TMEM181: variants seen among roughly 807,000 people sequenced by gnomAD.
The protein encoded by TMEM181 is transmembrane protein 181, also known as G protein-coupled receptor 178.
A neutral mutation model predicts 71.9 loss-of-function variants in TMEM181; 39 were observed. The observed-to-expected ratio is 0.54, with a 90% CI of 0.42 to 0.71. The LOEUF is 0.71. TMEM181 is among the 30% of genes least tolerant of loss of function. The pLI, the probability that TMEM181 is intolerant of heterozygous loss-of-function variation, is 0.00. For synonymous variants in TMEM181, 245 were observed against 228.8 expected, an observed-to-expected ratio of 1.07 and a Z score of -0.64; for missense variants, 595 against 583.0, an observed-to-expected ratio of 1.02 and a Z score of -0.21.
intron 1 of TMEM181, among the ~76,000 whole-genome samples, chr6:158,546,312 C>T (rs1395695083): frequency 6.6e-6 from 1 of 152,218 alleles, no homozygotes; most frequent in African/African-American, 2.4e-5. Flanking sequence ...TAGTTCTCAT[C>T]ATTGGCAGCT....
chr6:158,592,918 TAAAA>T (rs547729473), intron 6 of TMEM181, among the ~76,000 whole-genome samples: 32 of 151,878 alleles, frequency 2.1e-4, no homozygotes, highest in African/African-American at 7.5e-4. Flanking sequence ...AGACCCTGTC[TAAAA>T]AAAATGCAAA....
chr6:158,580,846 G>A (rs1160302002), intron 2 of TMEM181, 94 bp from the exon 3 acceptor site: 14 of 1,131,198 alleles, frequency 1.2e-5, no homozygotes, highest in Admixed American at 1.8e-5. Flanking sequence ...GGTCATCTCC[G>A]TGTAATGTGT....
At chr6:158,576,554 A>G (rs1783166376) in intron 2 of TMEM181, among the ~76,000 whole-genome samples, 1 of 152,102 alleles carries the variant, frequency 6.6e-6, no homozygotes, top group Non-Finnish European at 1.5e-5. Flanking sequence ...CTGCTAATAC[A>G]GGGAAATTTA....
intron 1 of TMEM181, among the ~76,000 whole-genome samples, chr6:158,567,386 G>C (rs773922482): frequency 1.6e-4 from 24 of 152,230 alleles, no homozygotes; most frequent in African/African-American, 2.7e-4. Flanking sequence ...ATAACGAGTG[G>C]AAGTTGAGTT....
rs559186276 is a variant in TMEM181 at position 158,573,745 on chromosome 6, G to GC, written c.112+225dup. ...AGTAGCCCCGAGTGACCCTGGCCAT[G>GC]CCCTGTGCAGCAGCCAGGGGCAGCC... is the stretch of plus-strand genomic sequence containing the variant. On this transcript the variant is annotated intron_variant, in intron 2 of 16. Coordinates refer to ENST00000684151, the MANE Select transcript of TMEM181 (RefSeq NM_001376852.1). 2.3e-3 allele frequency among the ~76,000 whole-genome samples: 355 copies of GC among 152,336 alleles called. 3 individuals are homozygous for GC. The highest frequency in any genetic ancestry group is 7.8e-3 in the African/African-American group (325 of 41,572).
chr6:158,538,536 A>G (rs1490246570), intron 1 of TMEM181, among the ~76,000 whole-genome samples: 2 of 152,006 alleles, frequency 1.3e-5, no homozygotes, highest in Admixed American at 1.3e-4. Flanking sequence ...ATCGCAGTGC[A>G]AATAGTCGAG....
At chr6:158,630,227 G>A (rs1283570609) in intron 15 of TMEM181, among the ~76,000 whole-genome samples, 1 of 152,088 alleles carries the variant, frequency 6.6e-6, no homozygotes, top group Non-Finnish European at 1.5e-5. Context: ...TACAAAACAG[G>A]CTTTGATCCT....
chr6:158,540,815 T>C (rs769986965), intron 1 of TMEM181, among the ~76,000 whole-genome samples: 19 of 152,154 alleles, frequency 1.2e-4, no homozygotes, highest in Non-Finnish European at 2.2e-4. Context: ...TCACCAAGGC[T>C]GGAGTGCAGT....
At chr6:158,566,683 AGAT>A (rs1782521316) in intron 1 of TMEM181, among the ~76,000 whole-genome samples, 1 of 139,668 alleles carries the variant, frequency 7.2e-6, no homozygotes, top group Non-Finnish European at 1.5e-5. Context: ...GGGGTGAAGG[AGAT>A]GATGGTGAAG....
At chr6:158,576,375 C>T (rs1273054109) in intron 2 of TMEM181, among the ~76,000 whole-genome samples, 3 of 152,124 alleles carry the variant, frequency 2.0e-5, no homozygotes, top group African/African-American at 2.4e-5. Context: ...AGAAGTTTGA[C>T]GAAGTAAGAA....
At chr6:158,615,412 A>C (rs948828378) in intron 10 of TMEM181, among the ~76,000 whole-genome samples, 5 of 152,114 alleles carry the variant, frequency 3.3e-5, no homozygotes, top group Non-Finnish European at 7.4e-5. Flanking sequence ...AGATAGCAAA[A>C]ATTTTCTGCC....
At chr6:158,536,646 C>G (rs1345504132) in exon 1 of TMEM181, 1 of 1,472,846 alleles carries the variant, frequency 6.8e-7, no homozygotes, top group East Asian at 2.8e-5. Context: ...CGCCAGCAGC[C>G]CGATCCCCAG....
At chr6:158,618,180 T>C (rs138557240) in intron 10 of TMEM181, among the ~76,000 whole-genome samples, 25,213 of 152,124 alleles carry the variant, frequency 0.17, 2,210 homozygotes, top group African/African-American at 0.21. Flanking sequence ...GGTGCATATA[T>C]ATTTAGGATA....
intron 6 of TMEM181, among the ~76,000 whole-genome samples, chr6:158,597,709 C>G (rs149282351): frequency 6.6e-6 from 1 of 152,054 alleles, no homozygotes; most frequent in African/African-American, 2.4e-5. Flanking sequence ...CGGGGTCTCA[C>G]TGTGTTGCCC....
At chr6:158,572,781 C>T (rs1782937123) in intron 1 of TMEM181, among the ~76,000 whole-genome samples, 1 of 152,150 alleles carries the variant, frequency 6.6e-6, no homozygotes, top group Admixed American at 6.5e-5. Context: ...ATCACAGAAA[C>T]CTGCACGGCA....
intron 10 of TMEM181, among the ~76,000 whole-genome samples, chr6:158,619,781 A>G (rs937582361): frequency 6.6e-6 from 1 of 151,064 alleles, no homozygotes; most frequent in African/African-American, 2.4e-5. Context: ...AGGCAGGAGA[A>G]TTACTTGCAC....
chr6:158,570,095 C>G (rs1782719794), intron 1 of TMEM181, among the ~76,000 whole-genome samples: 1 of 152,016 alleles, frequency 6.6e-6, no homozygotes, highest in African/African-American at 2.4e-5. Flanking sequence ...GCTCCATAGT[C>G]TTGGGACTGT....
chr6:158,572,438 A>G (rs1782910700), intron 1 of TMEM181: 1 of 456,696 alleles, frequency 2.2e-6, no homozygotes, highest in Non-Finnish European at 4.4e-6. Context: ...CAGAAGAGAG[A>G]GCAAAACAGA....
intron 6 of TMEM181, among the ~76,000 whole-genome samples, chr6:158,590,619 A>T (rs1211060666): frequency 6.6e-6 from 1 of 152,152 alleles, no homozygotes; most frequent in Non-Finnish European, 1.5e-5. Context: ...GTGTGCCACC[A>T]TGCCCAGCTA....
Sources: gnomAD v4.1 joint callset for allele counts (sites outside exome capture counted in the v4.1 genomes callset) on GRCh38, gnomAD v4.1.1 for gene constraint, MANE v1.5 for transcripts, NCBI Gene and HGNC (gene_info 2026-07-23, HGNC 2026-07-21) for gene names.